The following HSPG2 variants were observed in gnomAD, a reference collection of about 807,000 sequenced individuals.
The protein encoded by HSPG2 is basement membrane-specific heparan sulfate proteoglycan core protein.
A neutral mutation model predicts 526.6 loss-of-function variants in HSPG2; 278 were observed. The observed-to-expected ratio is 0.53, with a 90% CI of 0.48 to 0.58. The LOEUF is 0.58. Among genes scored for constraint, HSPG2 ranks in the 20% least tolerant of loss-of-function variants. The pLI, the probability that HSPG2 is intolerant of heterozygous loss-of-function variation, is 0.00. For missense variants in HSPG2, 5,354 were observed against 6,099.5 expected (o/e 0.88, Z 4.07); for synonymous variants, 2,465 against 2,555.4 (o/e 0.96, Z 1.07).
At chr1:21,884,441 C>A in intron 13 of HSPG2, 87 bp downstream of exon 13, 1 of 1,556,464 alleles carries the variant, frequency 6.4e-7, no homozygotes, top group Non-Finnish European at 8.8e-7. Flanking sequence ...ACCTGGCCCC[C>A]TCTGTCCGCA....
Position 21,893,517 on chromosome 1 carries a change from T to C in HSPG2, c.244+2405A>G, listed in dbSNP as rs1230843001. 3.4e-5 allele frequency among the ~76,000 whole-genome samples: 5 copies of C among 146,838 alleles called. No individual in the cohort carries two copies. The highest frequency in any genetic ancestry group is 7.5e-5 in the Non-Finnish European group (5 of 66,232). ...GGGAGAAAGGAGAGAAAAGGAAGAG[T>C]GGGGAGAGAGGATGGGGAGGGAGGC... On this transcript the variant is annotated intron_variant, in intron 3 of 96. Transcript: ENST00000374695. This position sits in a 1 kb window ranked among gnomAD's most constrained non-coding sequence, Gnocchi z 4.3.
Position 21,848,078 on chromosome 1 carries a change from GCC to G in HSPG2, c.7751_7752del (p.Arg2584ProfsTer20). The G allele has an allele frequency of 6.2e-7, 1 of 1,607,784 alleles. No individual in the cohort carries two copies. On this transcript the variant is annotated frameshift_variant, in exon 60 of 97. Transcript: ENST00000374695. LOFTEE classifies it high-confidence loss of function. This position sits in a 1 kb window ranked among gnomAD's most constrained non-coding sequence, Gnocchi z 4.9. ...LPSRHQIVGS[R>X]LRIPQVTPAD... The stretch of plus-strand genomic sequence containing the variant: ...GCCGGAGTCACCTGAGGGATCCGCA[GCC>G]GGGAGCCCACGATCTGCAGGAAGCA...
rs754349434 is a variant in HSPG2, at chr1:21,824,361, C to T, written c.12760G>A (p.Gly4254Ser). 136 of 1,613,736 alleles carry T rather than the reference C, an allele frequency of 8.4e-5. No individual in the cohort carries two copies. The highest frequency in any genetic ancestry group is 1.1e-4 in the Non-Finnish European group (128 of 1,180,022). ...LWQGVEVGEAGQGKDFISLGL... is the reference protein window; with the variant it reads ...LWQGVEVGEASQGKDFISLGL... ...AGGCTGATGAAGTCCTTGCCTTGGC[C>T]GGCCTCTCCCACCTCCTGCCAGGGA... Residue 4254 changes from glycine to serine, a missense_variant, in exon 94 of 97, where the codon GGC becomes AGC. Coordinates refer to ENST00000374695, the MANE Select transcript of HSPG2 (RefSeq NM_005529.7). The surrounding 1 kb of genome is among the most constrained non-coding windows in gnomAD (Gnocchi z 5.9).
Position 21,907,958 on chromosome 1 carries a change from T to C in HSPG2, c.64-11648A>G, listed in dbSNP as rs1643466642. 5.7e-6 allele frequency: 3 copies of C among 529,330 alleles called. No individual in the cohort carries two copies. In the South Asian group the frequency reaches 5.8e-5, roughly 10 times the overall value. 32.8% of individuals were successfully genotyped at this position (529,330 alleles called of 1,614,324 possible). The stretch of plus-strand genomic sequence containing the variant: ...GTAAAATGGGCACGATCATTCATAG[T>C]AATAATATCTATCTCATACGGCTGT... On this transcript the variant is annotated intron_variant, in intron 1 of 96. Coordinates refer to ENST00000374695, the MANE Select transcript of HSPG2 (RefSeq NM_005529.7).
chr1:21,929,777 C>A (rs1178039255), intron 1 of HSPG2, among the ~76,000 whole-genome samples: 2 of 152,070 alleles, frequency 1.3e-5, no homozygotes, highest in Admixed American at 1.3e-4. Context: ...ATCCCGGACT[C>A]TTCTCTTTCT....
At chr1:21,889,410 C>T (rs540574555) in intron 6 of HSPG2, among the ~76,000 whole-genome samples, 5 of 152,332 alleles carry the variant, frequency 3.3e-5, no homozygotes, top group Admixed American at 3.3e-4. Flanking sequence ...GGACCAGTTT[C>T]CTAGTCTCTC....
At chr1:21,830,136 G>A in intron 85 of HSPG2, 45 bp from the exon 86 acceptor site, 1 of 1,467,100 alleles carries the variant, frequency 6.8e-7, no homozygotes. Context: ...GGTGACTCTG[G>A]AGGGAGGGGG....
At chr1:21,903,840 C>G (rs535451161) in intron 1 of HSPG2, among the ~76,000 whole-genome samples, 2 of 152,288 alleles carry the variant, frequency 1.3e-5, no homozygotes, top group African/African-American at 4.8e-5. Context: ...CGGTCTGGCA[C>G]TGACCAGGCA....
chr1:21,829,955 A>C, intron 86 of HSPG2, 38 bp downstream of exon 86: 1 of 1,526,738 alleles, frequency 6.5e-7, no homozygotes, highest in Non-Finnish European at 9.0e-7. Context: ...CCCAGCTGAC[A>C]CTAGGACCCT....
rs185675544 is a variant in HSPG2 at position 21,916,763 on chromosome 1, C to T, written c.63+20392G>A. ...TTTTAAATTTTGCATTAAATAGTCACGTGTGACTAGCAGTTACCATATCAG... is the reference window on the plus strand; with the variant it reads ...TTTTAAATTTTGCATTAAATAGTCATGTGTGACTAGCAGTTACCATATCAG... On this transcript the variant is annotated intron_variant, in intron 1 of 96. Transcript: ENST00000374695. 1.1e-4 allele frequency among the ~76,000 whole-genome samples: 17 copies of T among 152,118 alleles called. No homozygotes were observed. In the East Asian group the frequency reaches 3.1e-3, roughly 28 times the overall value.
intron 13 of HSPG2, among the ~76,000 whole-genome samples, chr1:21,881,877 A>G (rs1641535514): frequency 7.2e-6 from 1 of 139,228 alleles, no homozygotes; most frequent in South Asian, 2.4e-4. Context: ...CGGGAGGCGG[A>G]GGCTGCAGCG....
intron 65 of HSPG2, 144 bp downstream of exon 65, chr1:21,844,004 G>T (rs184909581): frequency 3.6e-6 from 4 of 1,099,774 alleles, no homozygotes; most frequent in African/African-American, 3.1e-5. Flanking sequence ...TGCCCAGCCC[G>T]CTCTCAACTT....
chr1:21,855,966 C>G lies in HSPG2; in HGVS notation c.5576-54G>C, dbSNP rs138251496. On this transcript the variant is annotated intron_variant, in intron 44 of 96. Transcript: ENST00000374695. ...TCAGGGTGGGGAGTGTCGTCTGACTCACACAACAGTCCTGCTGCCTACTTT... is the reference window on the plus strand; with the variant it reads ...TCAGGGTGGGGAGTGTCGTCTGACTGACACAACAGTCCTGCTGCCTACTTT... The G allele has an allele frequency of 2.3e-3, 3,684 of 1,595,720 alleles. 11 individuals carry two copies. The highest frequency in any genetic ancestry group is 2.7e-3 in the Non-Finnish European group (3,169 of 1,177,098).
intron 57 of HSPG2, 97 bp downstream of exon 57, chr1:21,849,944 C>A: frequency 6.7e-7 from 1 of 1,486,720 alleles, no homozygotes; most frequent in South Asian, 1.1e-5. Flanking sequence ...TCCCAAAGTG[C>A]CGGGATTACA....
At chr1:21,846,036 C>T in intron 64 of HSPG2, 72 bp downstream of exon 64, 1 of 1,552,294 alleles carries the variant, frequency 6.4e-7, no homozygotes, top group East Asian at 2.2e-5. Flanking sequence ...TTTCCTTCTG[C>T]CAGTTCTGCC....
At chr1:21,915,318 G>A (rs896886853) in intron 1 of HSPG2, among the ~76,000 whole-genome samples, 1 of 152,246 alleles carries the variant, frequency 6.6e-6, no homozygotes, top group African/African-American at 2.4e-5. Flanking sequence ...TCTCCCACTG[G>A]GAATGGGTAG....
In HSPG2 at chr1:21,904,104, C is replaced by G. The variant is rs1643244259; in HGVS notation, c.64-7794G>C. 1.3e-5 allele frequency among the ~76,000 whole-genome samples: 2 copies of G among 152,178 alleles called. No homozygotes were observed. Among genetic ancestry groups the G allele is most frequent in the African/African-American group, 4.8e-5 (2 of 41,444 alleles). On this transcript the variant is annotated intron_variant, in intron 1 of 96. Coordinates refer to ENST00000374695, the MANE Select transcript of HSPG2 (RefSeq NM_005529.7). This position sits in a 1 kb window ranked among gnomAD's most constrained non-coding sequence, Gnocchi z 4.4. ...TGAAATGGACACAGAACTCCATGTT[C>G]CTGGGGGACACAGGCCACGGAACCA...
chr1:21,868,906 G>T, intron 33 of HSPG2: 1 of 983,356 alleles, frequency 1.0e-6, no homozygotes, highest in Non-Finnish European at 1.2e-6. Flanking sequence ...GGAAGGCCCG[G>T]GGCAGCTGCC....
chr1:21,884,648 G>C lies in HSPG2; in HGVS notation c.1534C>G (p.Leu512Val). The change falls in exon 13 of 97, where the codon CTG becomes GTG. Residue 512 changes from leucine (L) to valine (V), a missense_variant. Coordinates refer to ENST00000374695, the MANE Select transcript of HSPG2 (RefSeq NM_005529.7). The part of the protein sequence containing the change: ...RGPCPDGHFY[L>V]EHSAACLPCF... ...GGCAGGCAGGCGGCGCTGTGCTCCA[G>C]GTAGAAGTGGCCGTCAGGGCAGGGG... 1.9e-6 allele frequency: 3 copies of C among 1,612,062 alleles called. No homozygotes were observed. Among genetic ancestry groups the C allele is most frequent in the Non-Finnish European group, 2.5e-6 (3 of 1,179,690 alleles).
Sources: allele counts gnomAD v4.1 joint callset (sites outside exome capture counted in the v4.1 genomes callset), GRCh38; gene constraint gnomAD v4.1.1; non-coding constraint Gnocchi (gnomAD v3.1); transcripts MANE v1.5; gene names NCBI Gene and HGNC (gene_info 2026-07-23, HGNC 2026-07-21).